IL1RAPL1: variants seen among roughly 807,000 people sequenced by gnomAD.
The protein encoded by IL1RAPL1 is interleukin 1 receptor accessory protein like 1, also known as interleukin-1 receptor accessory protein-like 1.
IL1RAPL1 carries 3 observed loss-of-function variants against 48.4 expected under a neutral mutation model. The observed-to-expected ratio is 0.06, with a 90% CI of 0.03 to 0.16. The LOEUF (loss-of-function observed/expected upper bound fraction) is 0.16. Among genes scored for constraint, IL1RAPL1 ranks in the 10% least tolerant of loss-of-function variants. The pLI, the probability that IL1RAPL1 is intolerant of heterozygous loss-of-function variation, is 1.00. For missense variants in IL1RAPL1, 349 were observed against 530.6 expected, an observed-to-expected ratio of 0.66 and a Z score of 3.36; for synonymous variants, 185 against 187.7, an observed-to-expected ratio of 0.99 and a Z score of 0.12.
At chrX:29,423,923 C>T (rs1235524555) in intron 5 of IL1RAPL1, among the ~76,000 whole-genome samples, 3 of 111,910 alleles carry the variant, frequency 2.7e-5, no homozygotes, top group Non-Finnish European at 3.8e-5. Flanking sequence ...CAAAAATTGA[C>T]TGAGTTCTTA....
chrX:29,123,003 C>T (rs956345770), intron 2 of IL1RAPL1, among the ~76,000 whole-genome samples: 3 of 86,242 alleles, frequency 3.5e-5, no homozygotes, highest in Non-Finnish European at 6.4e-5. Flanking sequence ...TAGAATAGCA[C>T]GTTTTATTTA....
chrX:29,015,506 A>C (rs1404770925), intron 2 of IL1RAPL1, among the ~76,000 whole-genome samples: 1 of 110,970 alleles, frequency 9.0e-6, no homozygotes, highest in Non-Finnish European at 1.9e-5. Context: ...AGAATATGTC[A>C]CAACAGAATA....
intron 2 of IL1RAPL1, among the ~76,000 whole-genome samples, chrX:28,876,450 G>A (rs939829474): frequency 7.2e-5 from 8 of 111,715 alleles, no homozygotes; most frequent in Middle Eastern, 4.6e-3. Context: ...ATTTAGAAGA[G>A]CATTAGATAT....
intron 8 of IL1RAPL1, among the ~76,000 whole-genome samples, chrX:29,928,781 A>T (rs1211401159): frequency 8.9e-6 from 1 of 111,948 alleles, no homozygotes; most frequent in Admixed American, 9.5e-5. Flanking sequence ...AATGCAAGGT[A>T]TAACTTTTAA....
intron 5 of IL1RAPL1, among the ~76,000 whole-genome samples, chrX:29,649,946 A>T (rs187327086): frequency 1.2e-3 from 131 of 111,759 alleles, no homozygotes; most frequent in African/African-American, 4.0e-3. Flanking sequence ...ATAATTAGTA[A>T]CATTTCTATA....
intron 2 of IL1RAPL1, among the ~76,000 whole-genome samples, chrX:28,792,826 T>A (rs1601905792): frequency 1.9e-5 from 1 of 51,907 alleles, no homozygotes; most frequent in South Asian, 1.3e-3. Flanking sequence ...AATATATATA[T>A]ATATATATAT....
At chrX:29,338,019 T>A (rs1411755401) in intron 3 of IL1RAPL1, among the ~76,000 whole-genome samples, 1 of 111,758 alleles carries the variant, frequency 8.9e-6, no homozygotes, top group Non-Finnish European at 1.9e-5. Flanking sequence ...AAAATTAGGC[T>A]TTTTAAATTT....
intron 6 of IL1RAPL1, among the ~76,000 whole-genome samples, chrX:29,912,998 T>G (rs1054738495): frequency 8.9e-6 from 1 of 111,852 alleles, no homozygotes; most frequent in Admixed American, 9.6e-5. Context: ...ATTCCCACTT[T>G]CAAACACAAG....
intron 1 of IL1RAPL1, among the ~76,000 whole-genome samples, chrX:28,646,282 A>G (rs1934608732): frequency 8.9e-6 from 1 of 111,840 alleles, no homozygotes; most frequent in African/African-American, 3.2e-5. Context: ...AGGGCCTCCC[A>G]TGATCTGACA....
At chrX:29,502,277 G>C (rs1409859673) in intron 5 of IL1RAPL1, among the ~76,000 whole-genome samples, 3 of 110,906 alleles carry the variant, frequency 2.7e-5, no homozygotes, top group Non-Finnish European at 5.7e-5. Flanking sequence ...AGGCTAATTT[G>C]ATATCTTCCT....
intron 5 of IL1RAPL1, among the ~76,000 whole-genome samples, chrX:29,561,782 T>A (rs1042170649): frequency 9.0e-6 from 1 of 111,131 alleles, no homozygotes; most frequent in East Asian, 2.9e-4. Flanking sequence ...CCTAATATAC[T>A]TTTGTCTGTG....
At chrX:29,855,211 A>C (rs1464925757) in intron 6 of IL1RAPL1, among the ~76,000 whole-genome samples, 1 of 111,681 alleles carries the variant, frequency 9.0e-6, no homozygotes, top group East Asian at 2.8e-4. Flanking sequence ...GTGTCTTTTC[A>C]TATCAGTGTA....
intron 6 of IL1RAPL1, among the ~76,000 whole-genome samples, chrX:29,830,749 G>A (rs997125672): frequency 7.2e-5 from 8 of 111,175 alleles, no homozygotes; most frequent in African/African-American, 1.3e-4. Context: ...CACCGTGCCC[G>A]GCCTCTCAGA....
chrX:29,650,465 A>G (rs759811084), intron 5 of IL1RAPL1, among the ~76,000 whole-genome samples: 2 of 108,631 alleles, frequency 1.8e-5, no homozygotes, highest in Non-Finnish European at 3.8e-5. Context: ...AAATAAATCT[A>G]CACATTTACA....
At chrX:29,867,597 A>G (rs1461137052) in intron 6 of IL1RAPL1, among the ~76,000 whole-genome samples, 1 of 112,123 alleles carries the variant, frequency 8.9e-6, no homozygotes, top group East Asian at 2.8e-4. Context: ...TCTCGTTTAT[A>G]AATTTCCCAG....
intron 6 of IL1RAPL1, among the ~76,000 whole-genome samples, chrX:29,714,638 T>C (rs920028406): frequency 2.4e-4 from 27 of 112,009 alleles, no homozygotes; most frequent in Admixed American, 6.7e-4. Context: ...CCTTAATTGC[T>C]GAACCTATTA....
intron 2 of IL1RAPL1, among the ~76,000 whole-genome samples, chrX:29,219,573 C>T (rs1930936434): frequency 9.0e-6 from 1 of 111,491 alleles, no homozygotes; most frequent in Non-Finnish European, 1.9e-5. Flanking sequence ...TGAATTACAT[C>T]CCTTCTTATC....
At chrX:29,310,048 T>G (rs1292507919) in intron 3 of IL1RAPL1, among the ~76,000 whole-genome samples, 1 of 84,670 alleles carries the variant, frequency 1.2e-5, no homozygotes, top group Non-Finnish European at 2.1e-5. Context: ...GAGCCGAGAT[T>G]GCACCACTGC....
At chrX:29,354,447 C>G (rs1933275513) in intron 3 of IL1RAPL1, among the ~76,000 whole-genome samples, 1 of 111,810 alleles carries the variant, frequency 8.9e-6, no homozygotes, top group African/African-American at 3.2e-5. Context: ...TTATGTTAGC[C>G]TACAGTTGGG....
Sources: allele counts gnomAD v4.1 joint callset (sites outside exome capture counted in the v4.1 genomes callset), GRCh38; gene constraint gnomAD v4.1.1; transcripts MANE v1.5; gene names NCBI Gene and HGNC (gene_info 2026-07-23, HGNC 2026-07-21).